The following LUZP2 variants were observed in gnomAD, a reference collection of about 807,000 sequenced individuals.
The protein encoded by LUZP2 is leucine zipper protein 2.
Under a neutral mutation model 51.6 loss-of-function variants are expected in LUZP2, and 52 were observed. The ratio of observed to expected loss-of-function variants is 1.01; its 90% confidence interval spans 0.81 to 1.27. LUZP2 has a LOEUF of 1.27. LUZP2 is among the 50% of genes most tolerant of loss of function. The probability of loss-of-function intolerance (pLI) is 0.00; values close to 1 mark genes in which losing one functional copy is unlikely to be tolerated. For missense variants in LUZP2, 436 were observed against 395.4 expected, an observed-to-expected ratio of 1.10 and a Z score of -0.87; for synonymous variants, 154 against 137.3, an observed-to-expected ratio of 1.12 and a Z score of -0.85.
In LUZP2 at chr11:25,076,259, G is replaced by T. The variant is rs145737951; in HGVS notation, c.859-1070G>T. Among the ~76,000 whole-genome samples, 1,035 of 152,072 alleles carry T rather than the reference G, an allele frequency of 6.8e-3. 14 individuals carry two copies. The highest frequency in any genetic ancestry group is 0.023 in the African/African-American group (970 of 41,510). ...AATGTTTCACCATGTTGCCCAGGCT[G>T]GTCTCAAACTCCTGGGCTTAAGCAA... On this transcript the variant is annotated intron_variant, in intron 10 of 11. Coordinates refer to ENST00000336930, the MANE Select transcript of LUZP2 (RefSeq NM_001009909.4).
chr11:24,753,181 A>G (rs1425062006), intron 4 of LUZP2, among the ~76,000 whole-genome samples: 1 of 152,210 alleles, frequency 6.6e-6, no homozygotes, highest in Non-Finnish European at 1.5e-5. Flanking sequence ...AGATACATAG[A>G]ATATCTTAAA....
At chr11:24,690,565 C>T (rs1590352235) in intron 1 of LUZP2, among the ~76,000 whole-genome samples, 1 of 152,210 alleles carries the variant, frequency 6.6e-6, no homozygotes, top group Middle Eastern at 3.4e-3. Flanking sequence ...TTTATTTCCA[C>T]TCTGATATCC....
intron 1 of LUZP2, among the ~76,000 whole-genome samples, chr11:24,570,338 A>T (rs1590193122): frequency 6.6e-6 from 1 of 152,068 alleles, no homozygotes; most frequent in Non-Finnish European, 1.5e-5. Context: ...AAATTTTTTG[A>T]TGAGCCTGAT....
intron 5 of LUZP2, among the ~76,000 whole-genome samples, chr11:24,827,093 G>A (rs1429201369): frequency 1.7e-4 from 2 of 11,976 alleles, no homozygotes; most frequent in East Asian, 2.9e-3. Flanking sequence ...AATACATAGT[G>A]TGGGTTTTGT....
intron 1 of LUZP2, chr11:24,646,456 C>A (rs1368547477): frequency 8.0e-6 from 2 of 250,120 alleles, no homozygotes; most frequent in African/African-American, 4.6e-5. Flanking sequence ...TGCTTAGTGA[C>A]ACTATCAGAG....
chr11:24,725,099 G>A (rs1184288252), intron 1 of LUZP2, among the ~76,000 whole-genome samples: 1 of 152,076 alleles, frequency 6.6e-6, no homozygotes, highest in Non-Finnish European at 1.5e-5. Context: ...ACAGAAAATT[G>A]ACATGCTTAT....
chr11:24,503,639 T>C (rs571791240), intron 1 of LUZP2, among the ~76,000 whole-genome samples: 1 of 152,268 alleles, frequency 6.6e-6, no homozygotes, highest in African/African-American at 2.4e-5. Context: ...CAAGAATGTG[T>C]TCTAGTCCAA....
chr11:24,788,816 C>T (rs1472000306), intron 5 of LUZP2, among the ~76,000 whole-genome samples: 1 of 152,106 alleles, frequency 6.6e-6, no homozygotes. Flanking sequence ...TGCTCTTGCT[C>T]TTGCTCCAGG....
chr11:24,931,593 G>A (rs1312567104), intron 7 of LUZP2, among the ~76,000 whole-genome samples: 1 of 152,270 alleles, frequency 6.6e-6, no homozygotes, highest in Non-Finnish European at 1.5e-5. Flanking sequence ...TATTTGTGCT[G>A]TCTTTTTCTC....
At chr11:25,002,382 C>T (rs1301227274) in intron 9 of LUZP2, among the ~76,000 whole-genome samples, 1 of 152,150 alleles carries the variant, frequency 6.6e-6, no homozygotes, top group East Asian at 1.9e-4. Context: ...CAGTCATGCT[C>T]AATTGGTTCC....
At chr11:24,580,574 T>A (rs558448371) in intron 1 of LUZP2, among the ~76,000 whole-genome samples, 3 of 152,154 alleles carry the variant, frequency 2.0e-5, no homozygotes, top group South Asian at 4.1e-4. Flanking sequence ...GAGTCTCACA[T>A]TGAAAAAAGT....
Position 24,652,122 on chromosome 11 carries a change from G to C in LUZP2, c.63-77047G>C, listed in dbSNP as rs570531156. Among the ~76,000 whole-genome samples, 72 of 152,080 alleles carry C rather than the reference G, an allele frequency of 4.7e-4. No homozygotes were observed. The South Asian group carries it at 0.014, about 30-fold the overall frequency. The stretch of plus-strand genomic sequence containing the variant: ...TGTGTGTATATGTGTTTGTGTGTGT[G>C]TGTGTGCGTATGTGTATCTCCTGTT... On this transcript the variant is annotated intron_variant, in intron 1 of 11. Coordinates refer to ENST00000336930, the MANE Select transcript of LUZP2 (RefSeq NM_001009909.4).
At chr11:24,617,653 T>C (rs1176775783) in intron 1 of LUZP2, among the ~76,000 whole-genome samples, 1 of 151,990 alleles carries the variant, frequency 6.6e-6, no homozygotes. Context: ...AAACCTCATC[T>C]CTATTAAAAT....
At chr11:24,958,848 T>C (rs1305943701) in intron 7 of LUZP2, among the ~76,000 whole-genome samples, 1 of 152,220 alleles carries the variant, frequency 6.6e-6, no homozygotes, top group South Asian at 2.1e-4. Context: ...TCCTGAATGG[T>C]AATGACTTGG....
At chr11:24,697,367 T>C (rs1050910725) in intron 1 of LUZP2, among the ~76,000 whole-genome samples, 2 of 152,124 alleles carry the variant, frequency 1.3e-5, no homozygotes, top group Admixed American at 6.6e-5. Flanking sequence ...AATGACAAGA[T>C]AAAAATAAGA....
intron 1 of LUZP2, among the ~76,000 whole-genome samples, chr11:24,522,347 T>G (rs1590133034): frequency 1.1e-5 from 1 of 92,086 alleles, no homozygotes; most frequent in Non-Finnish European, 2.1e-5. Context: ...TTTCTTTTTG[T>G]TTTTTTGCTT....
intron 9 of LUZP2, among the ~76,000 whole-genome samples, chr11:25,033,356 A>T (rs1490161901): frequency 1.3e-5 from 2 of 152,144 alleles, no homozygotes; most frequent in Admixed American, 1.3e-4. Context: ...ACAGTTAGTG[A>T]CCATTTAGGT....
chr11:24,919,498 A>T (rs1177117390), intron 7 of LUZP2, among the ~76,000 whole-genome samples: 2 of 135,766 alleles, frequency 1.5e-5, no homozygotes, highest in African/African-American at 5.5e-5. Flanking sequence ...TATATTCTTT[A>T]TATATATTCA....
chr11:24,776,676 C>T (rs1848935352), intron 5 of LUZP2, among the ~76,000 whole-genome samples: 2 of 152,084 alleles, frequency 1.3e-5, no homozygotes, highest in South Asian at 2.1e-4. Flanking sequence ...ATAATTCTAC[C>T]ATTGCTCCAA....
Sources: gnomAD v4.1 joint callset for allele counts (sites outside exome capture counted in the v4.1 genomes callset) on GRCh38, gnomAD v4.1.1 for gene constraint, MANE v1.5 for transcripts, NCBI Gene and HGNC (gene_info 2026-07-23, HGNC 2026-07-21) for gene names.